The following CDH13 variants were observed in gnomAD, a reference collection of about 807,000 sequenced individuals.
CDH13 encodes the protein cadherin 13.
CDH13 carries 24 observed loss-of-function variants against 63.8 expected under a neutral mutation model. That is an observed-to-expected ratio of 0.38 (90% CI 0.27 to 0.53). The LOEUF is 0.53. CDH13 is among the 20% of genes least tolerant of loss of function. The pLI is 0.85. For missense variants in CDH13, 1,049 were observed against 903.1 expected (o/e 1.16, Z -2.07); for synonymous variants, 503 against 355.3 (o/e 1.42, Z -4.67).
At chr16:83,156,743 G>C (rs1214840604) in intron 4 of CDH13, among the ~76,000 whole-genome samples, 1 of 152,056 alleles carries the variant, frequency 6.6e-6, no homozygotes, top group Non-Finnish European at 1.5e-5. Context: ...CCCTCCCCCA[G>C]CCTCCTTCCA....
At chr16:82,648,720 G>A (rs189761405) in intron 1 of CDH13, among the ~76,000 whole-genome samples, 5 of 152,166 alleles carry the variant, frequency 3.3e-5, no homozygotes, top group African/African-American at 4.8e-5. Flanking sequence ...ATACACTTGC[G>A]TTACATCTAT....
At chr16:83,779,380 C>G (rs1295275523) in intron 11 of CDH13, among the ~76,000 whole-genome samples, 1 of 121,098 alleles carries the variant, frequency 8.3e-6, no homozygotes, top group Non-Finnish European at 1.6e-5. Flanking sequence ...GCACTCCAGC[C>G]CGGGCGACAG....
intron 1 of CDH13, among the ~76,000 whole-genome samples, chr16:82,832,108 A>G (rs2038566713): frequency 6.6e-6 from 1 of 152,208 alleles, no homozygotes; most frequent in Non-Finnish European, 1.5e-5. Flanking sequence ...TAAAAGCAGA[A>G]TGAAATATTT....
intron 3 of CDH13, among the ~76,000 whole-genome samples, chr16:83,119,283 A>G (rs2035455394): frequency 6.6e-6 from 1 of 151,988 alleles, no homozygotes; most frequent in Admixed American, 6.6e-5. Context: ...CTCTTCCCAT[A>G]ATCTGGGTTG....
intron 1 of CDH13, among the ~76,000 whole-genome samples, chr16:82,841,210 T>C (rs2038995191): frequency 6.6e-6 from 1 of 152,164 alleles, no homozygotes; most frequent in Non-Finnish European, 1.5e-5. Flanking sequence ...ATCCCTGATA[T>C]TTGAATGGCA....
chr16:83,603,328 T>C (rs1284338625), intron 8 of CDH13, among the ~76,000 whole-genome samples: 2 of 152,238 alleles, frequency 1.3e-5, no homozygotes, highest in African/African-American at 4.8e-5. Context: ...GAATATGGAA[T>C]AGGTACGATG....
intron 11 of CDH13, among the ~76,000 whole-genome samples, chr16:83,767,517 T>C (rs551977427): frequency 1.5e-4 from 23 of 152,346 alleles, no homozygotes; most frequent in African/African-American, 5.5e-4. Flanking sequence ...TTAGCCAGTC[T>C]TGGGTATATC....
At chr16:83,499,743 G>C (rs1016355115) in intron 7 of CDH13, among the ~76,000 whole-genome samples, 3 of 152,142 alleles carry the variant, frequency 2.0e-5, no homozygotes, top group African/African-American at 7.2e-5. Context: ...GCTGTTATCT[G>C]TATTTTCTAG....
intron 3 of CDH13, among the ~76,000 whole-genome samples, chr16:83,096,057 G>A (rs2034176914): frequency 6.6e-6 from 1 of 152,178 alleles, no homozygotes; most frequent in Admixed American, 6.5e-5. Flanking sequence ...GGGGAAGCAT[G>A]CAGTCACCTT....
intron 1 of CDH13, among the ~76,000 whole-genome samples, chr16:82,760,252 G>T (rs1376709639): frequency 6.6e-6 from 1 of 152,150 alleles, no homozygotes; most frequent in South Asian, 2.1e-4. Context: ...AAGGAACATA[G>T]TACCGCCCCC....
chr16:82,705,170 A>T (rs2031384282), intron 1 of CDH13: 1 of 455,902 alleles, frequency 2.2e-6, no homozygotes, highest in Non-Finnish European at 4.4e-6. Context: ...GATCCAGGTA[A>T]ACAGATTGCT....
chr16:83,177,397 A>G (rs143024313), intron 4 of CDH13, among the ~76,000 whole-genome samples: 4 of 152,328 alleles, frequency 2.6e-5, no homozygotes, highest in Non-Finnish European at 4.4e-5. Context: ...GGGACCCTCA[A>G]TGAATAAGCA....
intron 6 of CDH13, among the ~76,000 whole-genome samples, chr16:83,448,770 G>A (rs1382171818): frequency 6.6e-6 from 1 of 152,168 alleles, no homozygotes; most frequent in African/African-American, 2.4e-5. Flanking sequence ...GTGGGGAGGA[G>A]TGAAAGGAAT....
intron 8 of CDH13, among the ~76,000 whole-genome samples, chr16:83,660,746 T>C (rs994196060): frequency 6.6e-6 from 1 of 152,230 alleles, no homozygotes; most frequent in Non-Finnish European, 1.5e-5. Flanking sequence ...GATTCAGATG[T>C]TGGTGGTCAA....
intron 6 of CDH13, among the ~76,000 whole-genome samples, chr16:83,456,335 AG>A (rs542252894): frequency 8.1e-4 from 123 of 152,368 alleles, no homozygotes; most frequent in African/African-American, 3.0e-3. Context: ...GGTTGAGCAC[AG>A]TGAGGCCCCG....
chr16:83,120,839 C>T (rs1036476692), intron 3 of CDH13, among the ~76,000 whole-genome samples: 3 of 143,628 alleles, frequency 2.1e-5, no homozygotes, highest in African/African-American at 8.0e-5. Flanking sequence ...TCTCAGCTCA[C>T]TGCAACTTCC....
At chr16:83,540,066 T>A (rs1322014550) in intron 7 of CDH13, among the ~76,000 whole-genome samples, 1 of 55,654 alleles carries the variant, frequency 1.8e-5, no homozygotes, top group African/African-American at 4.8e-5. Flanking sequence ...TGTCAATAAA[T>A]TTTTTTTTTT....
chr16:82,649,136 C>A (rs1027663241), intron 1 of CDH13, among the ~76,000 whole-genome samples: 1 of 152,170 alleles, frequency 6.6e-6, no homozygotes, highest in Non-Finnish European at 1.5e-5. Context: ...CTTGTTTAAA[C>A]CTAACAGCAA....
chr16:83,772,298 T>C (rs958126802), intron 11 of CDH13, among the ~76,000 whole-genome samples: 1 of 152,180 alleles, frequency 6.6e-6, no homozygotes, highest in Admixed American at 6.5e-5. Flanking sequence ...CCAAGTCTTA[T>C]GCTGCTAGAA....
Sources: gnomAD v4.1 joint callset for allele counts (sites outside exome capture counted in the v4.1 genomes callset) on GRCh38, gnomAD v4.1.1 for gene constraint, MANE v1.5 for transcripts, NCBI Gene and HGNC (gene_info 2026-07-23, HGNC 2026-07-21) for gene names.